Variants in HACD3 observed in about 807,000 individuals in gnomAD.
The protein encoded by HACD3 is 3-hydroxyacyl-CoA dehydratase 3, also known as very-long-chain (3R)-3-hydroxyacyl-CoA dehydratase 3.
HACD3 carries 30 observed loss-of-function variants against 55.2 expected under a neutral mutation model. The ratio of observed to expected loss-of-function variants is 0.54; its 90% CI spans 0.41 to 0.74. HACD3 has a LOEUF of 0.74. Ranked by LOEUF, HACD3 falls within the 30% of genes least tolerant of loss-of-function variation. The probability of loss-of-function intolerance (pLI) is 0.00; values close to 1 mark genes in which losing one functional copy is unlikely to be tolerated. For synonymous variants in HACD3, 141 were observed against 151.7 expected (o/e 0.93, Z 0.52); for missense variants, 363 against 440.1 (o/e 0.82, Z 1.57).
intron 1 of HACD3, among the ~76,000 whole-genome samples, chr15:65,537,401 C>T (rs1040491956): frequency 6.6e-6 from 1 of 152,074 alleles, no homozygotes; most frequent in Non-Finnish European, 1.5e-5. Flanking sequence ...CTTCAAAGGA[C>T]AGTCTGACTC....
intron 1 of HACD3, 40 bp from the exon 2 acceptor site, chr15:65,551,636 C>T (rs1248749730): frequency 6.2e-7 from 1 of 1,611,648 alleles, no homozygotes; most frequent in East Asian, 2.2e-5. Flanking sequence ...TTTTTCTCTT[C>T]ATTAAAATGC....
chr15:65,557,084 T>A (rs907167056), intron 4 of HACD3, among the ~76,000 whole-genome samples, 181 bp downstream of exon 4: 2 of 152,222 alleles, frequency 1.3e-5, no homozygotes, highest in Non-Finnish European at 2.9e-5. Flanking sequence ...TTTCCTTCGG[T>A]TGAAATCTGT....
intron 7 of HACD3, among the ~76,000 whole-genome samples, chr15:65,567,770 T>C (rs1480042701): frequency 1.3e-5 from 2 of 152,118 alleles, no homozygotes; most frequent in African/African-American, 4.8e-5. Context: ...AAGGAAACTA[T>C]GCTAAGTGAA....
intron 10 of HACD3, among the ~76,000 whole-genome samples, chr15:65,573,794 C>T (rs1028345856): frequency 2.6e-5 from 4 of 151,826 alleles, no homozygotes; most frequent in Non-Finnish European, 4.4e-5. Context: ...TAATACGTAT[C>T]GATTTTAGTA....
intron 1 of HACD3, among the ~76,000 whole-genome samples, chr15:65,532,524 C>A (rs372975191): frequency 6.6e-6 from 1 of 151,388 alleles, no homozygotes; most frequent in African/African-American, 2.4e-5. Flanking sequence ...GTTGGCTACT[C>A]GGGAGGCTGA....
chr15:65,530,797 C>A (rs964807409), intron 1 of HACD3, 79 bp downstream of exon 1: 5 of 1,339,402 alleles, frequency 3.7e-6, no homozygotes, highest in Non-Finnish European at 5.0e-6. Context: ...CCCCTTTGTC[C>A]GCGTGCGCGC....
At chr15:65,556,707 G>C in intron 3 of HACD3, 32 bp from the exon 4 acceptor site, 1 of 1,579,926 alleles carries the variant, frequency 6.3e-7, no homozygotes, top group Non-Finnish European at 8.7e-7. Context: ...GAACAGAAGA[G>C]GGCATTCTCA....
At chr15:65,540,752 A>G (rs1596204992) in intron 1 of HACD3, among the ~76,000 whole-genome samples, 2 of 152,342 alleles carry the variant, frequency 1.3e-5, no homozygotes, top group Non-Finnish European at 2.9e-5. Flanking sequence ...AAGAGTTTTA[A>G]GCAGAGAAGT....
chr15:65,546,705 T>G (rs1286191683), intron 1 of HACD3, among the ~76,000 whole-genome samples: 2 of 152,198 alleles, frequency 1.3e-5, no homozygotes, highest in Non-Finnish European at 2.9e-5. Context: ...CCTTCCAAAG[T>G]GCTGGGATTG....
chr15:65,570,515 C>G (rs1344715663), intron 8 of HACD3, among the ~76,000 whole-genome samples: 1 of 152,144 alleles, frequency 6.6e-6, no homozygotes, highest in African/African-American at 2.4e-5. Context: ...TGGAAAAATT[C>G]TTGAAAGGGC....
chr15:65,533,399 A>G (rs1309111723), intron 1 of HACD3, among the ~76,000 whole-genome samples: 1 of 152,226 alleles, frequency 6.6e-6, no homozygotes, highest in Non-Finnish European at 1.5e-5. Flanking sequence ...CAGGGAGACT[A>G]GTATAAGAAC....
chr15:65,551,783 T>C, intron 2 of HACD3, 65 bp downstream of exon 2: 3 of 1,561,528 alleles, frequency 1.9e-6, no homozygotes, highest in Non-Finnish European at 2.6e-6. Context: ...GTGGTTTCCC[T>C]TTTTTAAAAA....
At chr15:65,546,182 C>T (rs1230108493) in intron 1 of HACD3, among the ~76,000 whole-genome samples, 2 of 152,022 alleles carry the variant, frequency 1.3e-5, no homozygotes, top group Non-Finnish European at 2.9e-5. Context: ...TATAGCTGAG[C>T]CCCAGTCAAC....
intron 1 of HACD3, among the ~76,000 whole-genome samples, chr15:65,544,853 C>T (rs1361663303): frequency 6.6e-6 from 1 of 151,958 alleles, no homozygotes; most frequent in Non-Finnish European, 1.5e-5. Flanking sequence ...GAAACCCTGT[C>T]TCTACTAAAA....
intron 1 of HACD3, among the ~76,000 whole-genome samples, chr15:65,537,954 AAAAAATATATATATATATATATATAT>A (rs1383439970): frequency 0.093 from 764 of 8,194 alleles, 42 homozygotes; most frequent in African/African-American, 0.26. Flanking sequence ...AAAAAAAAAA[AAAAAATATATATATATATATATATAT>A]ATATATATAT....
In HACD3 at chr15:65,550,243, C is replaced by T. The variant is rs531971720; in HGVS notation, c.88-1433C>T. On this transcript the variant is annotated intron_variant, in intron 1 of 10. Transcript: ENST00000261875. ...TCTCTGCAAAAATACAAAAATTAGCCGGGCATGATGGCAGTCGCCTGTAAT... is the reference window on the plus strand; with the variant it reads ...TCTCTGCAAAAATACAAAAATTAGCTGGGCATGATGGCAGTCGCCTGTAAT... 1.8e-4 allele frequency among the ~76,000 whole-genome samples: 27 copies of T among 152,080 alleles called. 2 individuals are homozygous for T. In the South Asian group the frequency reaches 5.6e-3, roughly 32 times the overall value.
chr15:65,568,701 A>T (rs1934358595), intron 7 of HACD3, among the ~76,000 whole-genome samples: 1 of 152,180 alleles, frequency 6.6e-6, no homozygotes, highest in South Asian at 2.1e-4. Flanking sequence ...GGAAAAAGAA[A>T]AAAGCAAAAG....
intron 1 of HACD3, among the ~76,000 whole-genome samples, chr15:65,543,644 T>C (rs568980334): frequency 2.6e-5 from 4 of 152,298 alleles, no homozygotes; most frequent in African/African-American, 9.6e-5. Flanking sequence ...CTCAGTGTAC[T>C]TAGATCATGG....
intron 5 of HACD3, among the ~76,000 whole-genome samples, chr15:65,559,064 C>G (rs1207660460): frequency 6.6e-6 from 1 of 152,232 alleles, no homozygotes; most frequent in African/African-American, 2.4e-5. Context: ...CAAGGCTACA[C>G]TCCTTCAGCC....
Sources: allele counts gnomAD v4.1 joint callset (sites outside exome capture counted in the v4.1 genomes callset), GRCh38; gene constraint gnomAD v4.1.1; transcripts MANE v1.5; gene names NCBI Gene and HGNC (gene_info 2026-07-23, HGNC 2026-07-21).